Variants in PALM2AKAP2 observed in about 807,000 individuals in gnomAD.
PALM2AKAP2 encodes PALM2-AKAP2 fusion protein.
A neutral mutation model predicts 71.5 loss-of-function variants in PALM2AKAP2; 37 were observed. The ratio of observed to expected loss-of-function variants is 0.52; its 90% CI spans 0.40 to 0.68. The LOEUF is 0.68. Among genes scored for constraint, PALM2AKAP2 ranks in the 30% least tolerant of loss-of-function variants. The pLI is 0.00. For synonymous variants in PALM2AKAP2, 468 were observed against 478.8 expected, an observed-to-expected ratio of 0.98 and a Z score of 0.29; for missense variants, 1,224 against 1,191.8, an observed-to-expected ratio of 1.03 and a Z score of -0.40.
chr9:110,008,567 G>A (rs1425199425), intron 6 of PALM2AKAP2, among the ~76,000 whole-genome samples: 2 of 152,108 alleles, frequency 1.3e-5, no homozygotes, highest in African/African-American at 4.8e-5. Flanking sequence ...TCTCTATCAT[G>A]GGACTTGGAG....
chr9:109,858,592 G>T (rs1321433438), intron 1 of PALM2AKAP2, among the ~76,000 whole-genome samples: 1 of 152,142 alleles, frequency 6.6e-6, no homozygotes, highest in Non-Finnish European at 1.5e-5. Flanking sequence ...GAGACTTCAT[G>T]GTGGGAATAA....
At chr9:110,130,629 A>G (rs1019325593) in intron 1 of PALM2AKAP2, among the ~76,000 whole-genome samples, 1 of 152,206 alleles carries the variant, frequency 6.6e-6, no homozygotes. Flanking sequence ...AAATTTCTAG[A>G]TGCTCCAACC....
chr9:109,855,758 A>G (rs1160113626), intron 1 of PALM2AKAP2, among the ~76,000 whole-genome samples: 1 of 152,216 alleles, frequency 6.6e-6, no homozygotes, highest in East Asian at 1.9e-4. Context: ...TTCCTTATAG[A>G]CAAGTGGGCA....
chr9:109,749,976 C>G (rs148230403), intron 1 of PALM2AKAP2, among the ~76,000 whole-genome samples: 2 of 152,318 alleles, frequency 1.3e-5, no homozygotes, highest in East Asian at 3.9e-4. Flanking sequence ...GTAGACATCA[C>G]TGACATGACT....
At chr9:109,980,604 C>T (rs1045963691) in intron 6 of PALM2AKAP2, among the ~76,000 whole-genome samples, 1 of 152,150 alleles carries the variant, frequency 6.6e-6, no homozygotes, top group African/African-American at 2.4e-5. Context: ...CCTATGACGA[C>T]CTAATGCAGG....
At chr9:109,688,297 T>C (rs1827831517) in intron 1 of PALM2AKAP2, among the ~76,000 whole-genome samples, 1 of 152,220 alleles carries the variant, frequency 6.6e-6, no homozygotes, top group African/African-American at 2.4e-5. Flanking sequence ...TATGCCTGTG[T>C]TCTTGATTTC....
At chr9:109,754,602 G>GACAACAGAAATTCATTTCTCAC (rs148352369) in intron 1 of PALM2AKAP2, among the ~76,000 whole-genome samples, 6,064 of 152,078 alleles carry the variant, frequency 0.04, 183 homozygotes, top group Non-Finnish European at 0.053. Context: ...AGATTTCTGA[G>GACAACAGAAATTCATTTCTCAC]ACAACAGAAA....
chr9:109,899,048 T>C (rs1830271411), intron 3 of PALM2AKAP2, among the ~76,000 whole-genome samples: 2 of 152,188 alleles, frequency 1.3e-5, no homozygotes, highest in African/African-American at 4.8e-5. Context: ...TGAGTGACAT[T>C]GTCTGTTCCC....
chr9:109,684,635 A>G (rs1395855954), intron 1 of PALM2AKAP2, among the ~76,000 whole-genome samples: 1 of 152,246 alleles, frequency 6.6e-6, no homozygotes, highest in Non-Finnish European at 1.5e-5. Context: ...GTACCCGACA[A>G]GTACTCCTCA....
At chr9:110,016,525 G>T (rs1832982967) in intron 7 of PALM2AKAP2, among the ~76,000 whole-genome samples, 3 of 152,162 alleles carry the variant, frequency 2.0e-5, no homozygotes, top group African/African-American at 7.2e-5. Context: ...GCAGCACATG[G>T]CCCACTCCAG....
chr9:109,875,316 C>T (rs375136908), intron 2 of PALM2AKAP2, among the ~76,000 whole-genome samples: 6 of 152,230 alleles, frequency 3.9e-5, no homozygotes, highest in African/African-American at 1.4e-4. Context: ...CCCTCTTTGT[C>T]ACATTGTCCT....
At chr9:109,663,176 G>A (rs901985033) in intron 1 of PALM2AKAP2, among the ~76,000 whole-genome samples, 1 of 152,066 alleles carries the variant, frequency 6.6e-6, no homozygotes, top group African/African-American at 2.4e-5. Flanking sequence ...GGTTTTTTGT[G>A]TCTCTATCTC....
chr9:110,048,120 C>G (rs1430442328), upstream of PALM2AKAP2, among the ~76,000 whole-genome samples: 3 of 152,202 alleles, frequency 2.0e-5, no homozygotes, highest in South Asian at 6.2e-4. Context: ...TCCTCAAACA[C>G]GCGGAGACAC....
At chr9:110,163,021 C>T (rs1290508845) in intron 3 of PALM2AKAP2, among the ~76,000 whole-genome samples, 4 of 152,120 alleles carry the variant, frequency 2.6e-5, no homozygotes, top group African/African-American at 9.7e-5. Flanking sequence ...CCCCAAAAGT[C>T]TTCTTTCCTT....
chr9:109,747,669 AT>A (rs575473857), intron 1 of PALM2AKAP2, among the ~76,000 whole-genome samples: 158 of 151,834 alleles, frequency 1.0e-3, no homozygotes, highest in African/African-American at 3.6e-3. Flanking sequence ...TAACTCCATA[AT>A]TTTTTTCTTT....
At chr9:109,676,277 C>T (rs1273825651) in intron 1 of PALM2AKAP2, among the ~76,000 whole-genome samples, 2 of 152,064 alleles carry the variant, frequency 1.3e-5, no homozygotes, top group Non-Finnish European at 2.9e-5. Context: ...TTGTATTATA[C>T]TAGAAGAAAA....
intron 1 of PALM2AKAP2, among the ~76,000 whole-genome samples, chr9:110,106,577 TGCTTA>T (rs1006646964): frequency 6.6e-6 from 1 of 152,022 alleles, no homozygotes; most frequent in African/African-American, 2.4e-5. Context: ...TGGTGATGGG[TGCTTA>T]GCTTGATGCT....
intron 1 of PALM2AKAP2, among the ~76,000 whole-genome samples, chr9:110,052,123 C>A (rs931037545): frequency 6.6e-6 from 1 of 152,098 alleles, no homozygotes; most frequent in South Asian, 2.1e-4. Context: ...AGGATGATCT[C>A]GATCTCCTGA....
At chr9:110,009,503 A>G (rs1340373228) in intron 6 of PALM2AKAP2, among the ~76,000 whole-genome samples, 1 of 152,046 alleles carries the variant, frequency 6.6e-6, no homozygotes, top group Admixed American at 6.6e-5. Flanking sequence ...TCACGAGGTC[A>G]GGAGACCGAG....
Sources: allele counts gnomAD v4.1 joint callset (sites outside exome capture counted in the v4.1 genomes callset), GRCh38; gene constraint gnomAD v4.1.1; transcripts MANE v1.5; gene names NCBI Gene and HGNC (gene_info 2026-07-23, HGNC 2026-07-21).